PCCA: variants seen among roughly 807,000 people sequenced by gnomAD.
PCCA encodes the protein propionyl-CoA carboxylase alpha chain, mitochondrial.
Under a neutral mutation model 101.3 loss-of-function variants are expected in PCCA, and 74 were observed. The observed-to-expected ratio is 0.73, with a 90% CI of 0.61 to 0.89. The LOEUF (loss-of-function observed/expected upper bound fraction) is 0.89, where lower values mean the gene tolerates loss of function less well. Ranked by LOEUF, PCCA falls within the 40% of genes least tolerant of loss-of-function variation. The pLI, the probability that PCCA is intolerant of heterozygous loss-of-function variation, is 0.00. For synonymous variants in PCCA, 294 were observed against 313.6 expected (o/e 0.94, Z 0.66); for missense variants, 891 against 907.0 (o/e 0.98, Z 0.23).
At chr13:100,127,230 A>G (rs1026512856) in intron 4 of PCCA, among the ~76,000 whole-genome samples, 6 of 152,230 alleles carry the variant, frequency 3.9e-5, no homozygotes, top group African/African-American at 1.4e-4. Context: ...TAAATTCAAT[A>G]AAACCATCCA....
At chr13:100,220,672 C>T (rs1361238420) in intron 7 of PCCA, among the ~76,000 whole-genome samples, 1 of 152,150 alleles carries the variant, frequency 6.6e-6, no homozygotes, top group Non-Finnish European at 1.5e-5. Context: ...TCCTATTTCC[C>T]TCTCCTTGCT....
intron 19 of PCCA, among the ~76,000 whole-genome samples, chr13:100,369,245 T>A (rs933009066): frequency 1.3e-5 from 2 of 152,208 alleles, no homozygotes; most frequent in Non-Finnish European, 2.9e-5. Context: ...GCTATTAATA[T>A]ATAGTTAGTA....
At chr13:100,254,313 C>T (rs554308428) in intron 8 of PCCA, among the ~76,000 whole-genome samples, 2 of 152,290 alleles carry the variant, frequency 1.3e-5, no homozygotes, top group Admixed American at 1.3e-4. Context: ...CAACGCTTAT[C>T]ATTCTGTTTC....
chr13:100,221,749 T>TC, intron 7 of PCCA, among the ~76,000 whole-genome samples: 1 of 147,168 alleles, frequency 6.8e-6, no homozygotes, highest in Non-Finnish European at 1.5e-5. Flanking sequence ...CTGGGAAATT[T>TC]TTTTTTTTTT....
intron 19 of PCCA, among the ~76,000 whole-genome samples, chr13:100,422,037 C>T (rs1445435979): frequency 9.5e-6 from 1 of 105,432 alleles, no homozygotes; most frequent in Non-Finnish European, 1.9e-5. Flanking sequence ...TTATTCTCTT[C>T]TTTTCTTTCT....
chr13:100,400,639 T>C (rs1172945268), intron 19 of PCCA, among the ~76,000 whole-genome samples: 1 of 144,036 alleles, frequency 6.9e-6, no homozygotes, highest in Non-Finnish European at 1.5e-5. Flanking sequence ...TCTTTTTTTT[T>C]TTTTTTTTGA....
intron 9 of PCCA, among the ~76,000 whole-genome samples, chr13:100,262,317 C>G (rs1446912095): frequency 6.6e-6 from 1 of 151,994 alleles, no homozygotes. Flanking sequence ...CACTTGAAAC[C>G]CGGCAGGCAG....
At chr13:100,313,442 G>A (rs1192035747) in intron 16 of PCCA, among the ~76,000 whole-genome samples, 1 of 152,158 alleles carries the variant, frequency 6.6e-6, no homozygotes, top group East Asian at 1.9e-4. Context: ...TAATTTGGTG[G>A]GCAGGGGGCC....
chr13:100,428,433 T>C (rs965186946), intron 20 of PCCA, among the ~76,000 whole-genome samples: 3 of 150,184 alleles, frequency 2.0e-5, no homozygotes, highest in Non-Finnish European at 4.4e-5. Context: ...CATCAAGCAT[T>C]GCAGGATGCT....
Position 100,395,279 on chromosome 13 carries a change from T to G in PCCA, c.1746+26705T>G, listed in dbSNP as rs16957391. ...ATATTCCATCCAAGAGTCTGTAGAA[T>G]CTGTAGGCTTATATTTCTGTCTTGT... On this transcript the variant is annotated intron_variant, in intron 19 of 23. Coordinates refer to ENST00000376285, the MANE Select transcript of PCCA (RefSeq NM_000282.4). Among the ~76,000 whole-genome samples, 1,429 of 152,330 alleles carry G rather than the reference T, an allele frequency of 9.4e-3. 60 individuals carry two copies. Among genetic ancestry groups the G allele is most frequent in the Admixed American group, 0.06 (921 of 15,300 alleles).
chr13:100,309,638 G>A (rs2066748052), intron 15 of PCCA, among the ~76,000 whole-genome samples, 195 bp from the exon 16 acceptor site: 1 of 152,114 alleles, frequency 6.6e-6, no homozygotes. Flanking sequence ...TAGGAGAAGA[G>A]TCTGAAATAG....
At chr13:100,244,952 TGTG>T (rs2061351442) in intron 8 of PCCA, among the ~76,000 whole-genome samples, 1 of 133,462 alleles carries the variant, frequency 7.5e-6, no homozygotes, top group African/African-American at 2.8e-5. Flanking sequence ...TGTGTGTGTG[TGTG>T]TGTGTGTGTG....
intron 19 of PCCA, among the ~76,000 whole-genome samples, chr13:100,425,126 T>G (rs1018675817): frequency 2.6e-5 from 4 of 152,152 alleles, no homozygotes; most frequent in African/African-American, 9.7e-5. Context: ...ATGACAGAAC[T>G]TTGCAAAGTT....
intron 12 of PCCA, among the ~76,000 whole-genome samples, chr13:100,296,564 A>G (rs1050847483): frequency 1.3e-5 from 2 of 152,060 alleles, no homozygotes; most frequent in African/African-American, 4.8e-5. Flanking sequence ...ATTTTTCTTA[A>G]CTTTAAATTT....
At chr13:100,109,886 C>T (rs1594130062) in intron 2 of PCCA, among the ~76,000 whole-genome samples, 1 of 152,306 alleles carries the variant, frequency 6.6e-6, no homozygotes, top group East Asian at 1.9e-4. Context: ...AATCCCAGCA[C>T]TTTGGGAGGC....
At chr13:100,390,874 G>C (rs570501330) in intron 19 of PCCA, among the ~76,000 whole-genome samples, 6 of 152,326 alleles carry the variant, frequency 3.9e-5, no homozygotes, top group East Asian at 3.9e-4. Flanking sequence ...TAAAGGCATG[G>C]TCGTTAAGAG....
intron 16 of PCCA, among the ~76,000 whole-genome samples, chr13:100,324,570 C>T (rs567258874): frequency 3.3e-5 from 5 of 152,230 alleles, no homozygotes; most frequent in East Asian, 3.9e-4. Flanking sequence ...AAAATTTACA[C>T]AAATCTATTA....
chr13:100,319,046 A>G (rs1394805036), intron 16 of PCCA, among the ~76,000 whole-genome samples: 2 of 152,192 alleles, frequency 1.3e-5, no homozygotes, highest in Non-Finnish European at 2.9e-5. Flanking sequence ...GTGAGATGGT[A>G]TCTCATTGTG....
At chr13:100,513,745 A>G (rs186753957) in intron 21 of PCCA, among the ~76,000 whole-genome samples, 1 of 152,342 alleles carries the variant, frequency 6.6e-6, no homozygotes, top group East Asian at 1.9e-4. Context: ...AAACAAGAAA[A>G]AAATAGATCT....
Sources: allele counts gnomAD v4.1 joint callset (sites outside exome capture counted in the v4.1 genomes callset), GRCh38; gene constraint gnomAD v4.1.1; transcripts MANE v1.5; gene names NCBI Gene and HGNC (gene_info 2026-07-23, HGNC 2026-07-21).